Variants in ZNF317 observed in about 807,000 individuals in gnomAD.
ZNF317 encodes the protein zinc finger protein 317, also known as KRAB-containing zinc finger protein 317.
A neutral mutation model predicts 23.4 loss-of-function variants in ZNF317; 17 were observed. That is an observed-to-expected ratio of 0.73 (90% CI 0.50 to 1.09). ZNF317 has a LOEUF of 1.09. Among genes scored for constraint, ZNF317 ranks in the 50% least tolerant of loss-of-function variants. ZNF317 has a pLI of 0.00. For synonymous variants in ZNF317, 317 were observed against 314.9 expected, an observed-to-expected ratio of 1.01 and a Z score of -0.07; for missense variants, 679 against 796.7, an observed-to-expected ratio of 0.85 and a Z score of 1.78.
chr19:9,143,205 C>T (rs557055376), intron 1 of ZNF317, among the ~76,000 whole-genome samples: 116 of 152,176 alleles, frequency 7.6e-4, no homozygotes, highest in African/African-American at 2.6e-3. Flanking sequence ...TTAATGCTTG[C>T]TGCATTTGTA....
intron 1 of ZNF317, among the ~76,000 whole-genome samples, chr19:9,150,574 G>A (rs2050727786): frequency 6.6e-6 from 1 of 152,158 alleles, no homozygotes; most frequent in Admixed American, 6.5e-5. Flanking sequence ...GGGGAGAGGG[G>A]CCCAGGGGAA....
intron 1 of ZNF317, among the ~76,000 whole-genome samples, chr19:9,147,346 T>G (rs1271236576): frequency 6.3e-5 from 9 of 142,558 alleles, no homozygotes; most frequent in African/African-American, 1.6e-4. Flanking sequence ...TTTTTTTTTT[T>G]TTTTTTTTTT....
chr19:9,142,031 C>G (rs1174261827), intron 1 of ZNF317, among the ~76,000 whole-genome samples: 6 of 152,168 alleles, frequency 3.9e-5, no homozygotes, highest in Non-Finnish European at 4.4e-5. Context: ...GTCTCGATCT[C>G]CTGACCTCAG....
At chr19:9,155,740 G>A (rs1481778994) in intron 1 of ZNF317, among the ~76,000 whole-genome samples, 185 bp from the exon 2 acceptor site, 1 of 152,196 alleles carries the variant, frequency 6.6e-6, no homozygotes, top group Non-Finnish European at 1.5e-5. Context: ...CAGATCAGGG[G>A]CTGTCCCCCC....
chr19:9,157,448 T>C (rs775459549), intron 4 of ZNF317, 54 bp downstream of exon 4: 1 of 1,607,274 alleles, frequency 6.2e-7, no homozygotes, highest in Admixed American at 1.7e-5. Context: ...ATGTTTTTGT[T>C]TGAGTATGTT....
At chr19:9,149,151 T>C (rs529331867) in intron 1 of ZNF317, among the ~76,000 whole-genome samples, 9 of 152,276 alleles carry the variant, frequency 5.9e-5, no homozygotes, top group African/African-American at 1.9e-4. Flanking sequence ...ACACAGAACA[T>C]TACTTGGAAA....
rs2050835982 is a variant in ZNF317 at position 9,160,393 on chromosome 19, T to TA, written c.749dup (p.Tyr250Ter). 6.2e-7 allele frequency: 1 copy of TA among 1,614,082 alleles called. No homozygotes were observed. Among genetic ancestry groups the TA allele is most frequent in the Non-Finnish European group, 8.5e-7 (1 of 1,180,050 alleles). ...HRRIHTGEKPYECSDCGKAFN... is the reference protein window; with the variant it reads ...HRRIHTGEKP ...GAGAATCCACACCGGGGAGAAGCCT[T>TA]ACGAGTGCAGCGACTGCGGGAAAGC... The change falls in exon 7 of 7, where the codon TAC becomes TAAC. Residue 250 changes from tyrosine (Y) to a stop codon, truncating the protein, a stop_gained and frameshift_variant. Transcript: ENST00000247956. LOFTEE classifies it low-confidence loss of function (END_TRUNC). This position sits in a 1 kb window ranked among gnomAD's most constrained non-coding sequence, Gnocchi z 6.8.
At chr19:9,151,792 C>A (rs1361741443) in intron 1 of ZNF317, among the ~76,000 whole-genome samples, 1 of 152,084 alleles carries the variant, frequency 6.6e-6, no homozygotes, top group African/African-American at 2.4e-5. Flanking sequence ...CTATCACATA[C>A]ATGATTTGCA....
intron 2 of ZNF317, 119 bp downstream of exon 2, chr19:9,156,160 A>G: frequency 7.5e-7 from 1 of 1,334,316 alleles, no homozygotes; most frequent in Non-Finnish European, 1.1e-6. Flanking sequence ...GCAAGTGGAA[A>G]AGGGGTGGGA....
chr19:9,151,577 C>A (rs1167794248), intron 1 of ZNF317, among the ~76,000 whole-genome samples: 1 of 151,920 alleles, frequency 6.6e-6, no homozygotes, highest in Non-Finnish European at 1.5e-5. Flanking sequence ...CAAATTAAAT[C>A]CCCTCCCGAG....
intron 3 of ZNF317, chr19:9,157,016 A>G: frequency 1.6e-6 from 1 of 633,804 alleles, no homozygotes; most frequent in Non-Finnish European, 2.7e-6. Context: ...AAGCTCTCGG[A>G]GTGGGCTAGA....
At chr19:9,147,351 T>TTTTTTG (rs1195459606) in intron 1 of ZNF317, among the ~76,000 whole-genome samples, 5 of 108,196 alleles carry the variant, frequency 4.6e-5, no homozygotes, top group African/African-American at 2.1e-4. Flanking sequence ...TTTTTTTTTT[T>TTTTTTG]TTTTTTGAGA....
intron 4 of ZNF317, chr19:9,157,681 CTTTTTTTTT>C (rs566513253): frequency 2.9e-6 from 1 of 344,576 alleles, no homozygotes; most frequent in Non-Finnish European, 4.5e-6. Context: ...TTTCCTATTT[CTTTTTTTTT>C]TTTTTTTTTT....
chr19:9,157,690 T>A (rs1359348758), intron 4 of ZNF317: 7 of 503,682 alleles, frequency 1.4e-5, no homozygotes, highest in Non-Finnish European at 2.0e-5. Flanking sequence ...TCTTTTTTTT[T>A]TTTTTTTTTT....
Position 9,157,997 on chromosome 19 carries a change from C to A in ZNF317, c.307C>A (p.Pro103Thr). The A allele has an allele frequency of 1.3e-6, 2 of 1,551,516 alleles. No homozygotes were observed. The highest frequency in any genetic ancestry group is 1.2e-5 in the South Asian group (1 of 84,052). Residue 103 changes from proline (P) to threonine (T), a missense_variant, in exon 5 of 7, where the codon CCC (proline) becomes ACC (threonine). By Grantham distance (38) the Pro-to-Thr change is conservative (BLOSUM62 -1). Coordinates refer to ENST00000247956, the MANE Select transcript of ZNF317 (RefSeq NM_020933.5). ...GAGTGTAGGGTATCAGGTCGGCAAA[C>A]CCAGCCTCATCTCACACTTGGAGCA... Reference protein sequence around the residue: ...LTSLGYQVGKPSLISHLEQEE... With the variant: ...LTSLGYQVGKTSLISHLEQEE...
chr19:9,152,109 T>C lies in ZNF317; in HGVS notation c.-92-3816T>C, dbSNP rs139105347. ...TTTTAGTAGAGATGGGGTTTTACCG[T>C]GTTAGCCAGGATGGTCTCGATCTCC... On this transcript the variant is annotated intron_variant, in intron 1 of 6. Coordinates refer to ENST00000247956, the MANE Select transcript of ZNF317 (RefSeq NM_020933.5). 2.6e-3 allele frequency among the ~76,000 whole-genome samples: 402 copies of C among 152,224 alleles called. 2 individuals carry two copies. The highest frequency in any genetic ancestry group is 8.9e-3 in the African/African-American group (368 of 41,538).
chr19:9,145,071 T>C (rs1195249517), intron 1 of ZNF317, among the ~76,000 whole-genome samples: 1 of 152,194 alleles, frequency 6.6e-6, no homozygotes, highest in East Asian at 1.9e-4. Flanking sequence ...TGAGACAGAG[T>C]CTCACTCTTG....
At chr19:9,156,816 T>C in intron 3 of ZNF317, 68 bp downstream of exon 3, 2 of 1,552,714 alleles carry the variant, frequency 1.3e-6, no homozygotes, top group Non-Finnish European at 1.7e-6. Flanking sequence ...CAGTGCATGC[T>C]GGAATTCTTG....
intron 1 of ZNF317, among the ~76,000 whole-genome samples, chr19:9,148,985 G>A (rs2050712533): frequency 6.6e-6 from 1 of 152,148 alleles, no homozygotes; most frequent in Admixed American, 6.5e-5. Flanking sequence ...GGTATCAGTT[G>A]GTTCAGAGAC....
Sources: allele counts gnomAD v4.1 joint callset (sites outside exome capture counted in the v4.1 genomes callset), GRCh38; gene constraint gnomAD v4.1.1; non-coding constraint Gnocchi (gnomAD v3.1); transcripts MANE v1.5; gene names NCBI Gene and HGNC (gene_info 2026-07-23, HGNC 2026-07-21).